The following GEMIN8 variants were observed in gnomAD, a reference collection of about 807,000 sequenced individuals.
GEMIN8 encodes gem-associated protein 8.
For missense variants in GEMIN8, 185 were observed against 205.9 expected (o/e 0.90, Z 0.62); for synonymous variants, 80 against 78.5 (o/e 1.02, Z -0.10).
intron 2 of GEMIN8, among the ~76,000 whole-genome samples, chrX:14,022,641 G>A (rs1924448299): frequency 9.0e-6 from 1 of 110,664 alleles, no homozygotes; most frequent in Non-Finnish European, 1.9e-5. Flanking sequence ...ACACCAGAAT[G>A]TACTTTTAAA....
chrX:14,025,335 T>TAA (rs1288683439), intron 2 of GEMIN8, among the ~76,000 whole-genome samples: 2 of 99,036 alleles, frequency 2.0e-5, no homozygotes, highest in Non-Finnish European at 2.1e-5. Context: ...TTCTTTGCTT[T>TAA]AAAAAAAAAA....
rs762328600 is a variant in GEMIN8 at position 14,017,760 on chromosome X, TA to T, written c.472+2317del. The stretch of plus-strand genomic sequence containing the variant: ...CTCTGTGTCCGGATTTTGCCCTTTT[TA>T]TAAGGACCTGAGTCACATAGGATTA... On this transcript the variant is annotated intron_variant, in intron 4 of 4. Transcript: ENST00000680255. 3.4e-4 allele frequency among the ~76,000 whole-genome samples: 38 copies of T among 112,256 alleles called. No homozygotes were observed. The East Asian group carries it at 0.011, about 31-fold the overall frequency.
At chrX:14,013,688 C>A (rs762128768) in intron 4 of GEMIN8, among the ~76,000 whole-genome samples, 1 of 111,364 alleles carries the variant, frequency 9.0e-6, no homozygotes, top group East Asian at 2.8e-4. Flanking sequence ...CAAGGAACAC[C>A]AGGAAACACC....
the GEMIN8 span, among the ~76,000 whole-genome samples, chrX:13,994,689 T>C: frequency 8.9e-6 from 1 of 111,874 alleles, no homozygotes; most frequent in Non-Finnish European, 1.9e-5. Context: ...GACCCTTACA[T>C]TGTACTCTTG....
At chrX:14,017,452 T>A (rs1464536788) in intron 4 of GEMIN8, among the ~76,000 whole-genome samples, 2 of 112,185 alleles carry the variant, frequency 1.8e-5, no homozygotes, top group Non-Finnish European at 3.8e-5. Flanking sequence ...CAGTCACAGA[T>A]TGCATTTGGG....
downstream of GEMIN8, among the ~76,000 whole-genome samples, chrX:14,005,078 A>G (rs1019263021): frequency 9.0e-5 from 10 of 111,541 alleles, no homozygotes; most frequent in African/African-American, 3.3e-4. Context: ...TCTTGTAGAT[A>G]GAGGCACTAG....
intron 2 of GEMIN8, 135 bp from the exon 3 acceptor site, chrX:14,021,646 C>CTA (rs1924324502): frequency 2.3e-6 from 1 of 439,651 alleles, no homozygotes; most frequent in African/African-American, 2.6e-5. Context: ...TGCAACCTAT[C>CTA]TATATGACGT....
the GEMIN8 span, among the ~76,000 whole-genome samples, chrX:13,993,792 T>G: frequency 3.6e-5 from 4 of 111,065 alleles, no homozygotes; most frequent in Non-Finnish European, 7.5e-5. Context: ...TATCATTATA[T>G]CAAATTATTT....
chrX:14,026,641 A>T (rs1249146684), intron 1 of GEMIN8, among the ~76,000 whole-genome samples: 1 of 112,580 alleles, frequency 8.9e-6, no homozygotes, highest in Non-Finnish European at 1.9e-5. Context: ...TTTCACAAAT[A>T]AGTGGCTTTG....
At chrX:14,023,246 G>A (rs904018553) in intron 2 of GEMIN8, among the ~76,000 whole-genome samples, 4 of 112,310 alleles carry the variant, frequency 3.6e-5, no homozygotes, top group Non-Finnish European at 1.9e-5. Flanking sequence ...AAATATAAAA[G>A]TTAATACTTA....
chrX:14,013,454 T>C (rs762585259), intron 4 of GEMIN8, among the ~76,000 whole-genome samples: 90 of 112,540 alleles, frequency 8.0e-4, no homozygotes, highest in Non-Finnish European at 1.4e-3. Flanking sequence ...GTGGGTTGAA[T>C]AGTGTCACTT....
intron 4 of GEMIN8, among the ~76,000 whole-genome samples, chrX:14,012,356 T>G (rs917617255): frequency 9.2e-6 from 1 of 109,215 alleles, no homozygotes; most frequent in Non-Finnish European, 1.9e-5. Flanking sequence ...ACTCCTGAAC[T>G]CAAGCGATCC....
the GEMIN8 span, among the ~76,000 whole-genome samples, chrX:13,987,727 C>T: frequency 0.26 from 28,490 of 111,304 alleles, 2,779 homozygotes; most frequent in Non-Finnish European, 0.3. Context: ...ACCCCTCTTC[C>T]AGAGACCATA....
At chrX:14,017,116 C>A (rs1282489956) in intron 4 of GEMIN8, among the ~76,000 whole-genome samples, 1 of 108,991 alleles carries the variant, frequency 9.2e-6, no homozygotes, top group Non-Finnish European at 1.9e-5. Flanking sequence ...AATTACTACC[C>A]ACTAATTAGG....
chrX:14,006,527 G>T (rs776047936), downstream of GEMIN8, among the ~76,000 whole-genome samples: 11 of 111,708 alleles, frequency 9.8e-5, no homozygotes, highest in African/African-American at 3.6e-4. Flanking sequence ...ATATTTGTTG[G>T]ATAAACAAAC....
chrX:13,992,776 T>C, the GEMIN8 span, among the ~76,000 whole-genome samples: 1 of 111,737 alleles, frequency 8.9e-6, no homozygotes, highest in Non-Finnish European at 1.9e-5. Context: ...CTGTAAGGGC[T>C]TGAGCTCATA....
chrX:14,011,113 G>A (rs763960945), intron 4 of GEMIN8, among the ~76,000 whole-genome samples: 2 of 111,970 alleles, frequency 1.8e-5, no homozygotes, highest in Non-Finnish European at 3.8e-5. Context: ...TGAAAGCCCC[G>A]CTGGGGACTA....
the GEMIN8 span, among the ~76,000 whole-genome samples, chrX:13,992,857 G>C: frequency 9.0e-6 from 1 of 111,669 alleles, no homozygotes; most frequent in Non-Finnish European, 1.9e-5. Context: ...GGAGGGCAAA[G>C]GCAGTTAGGA....
In GEMIN8 at chrX:14,021,806, A is replaced by ATG. The variant is rs199501000; in HGVS notation, c.-33-297_-33-296dup. Among the ~76,000 whole-genome samples the ATG allele has an allele frequency of 5.9e-3, 284 of 47,953 alleles. 1 individual carries two copies. Among genetic ancestry groups the ATG allele is most frequent in the East Asian group, 0.023 (54 of 2,388 alleles). The allele number at this position is 47,953 out of a possible 115,157, so 41.6% of individuals were successfully genotyped here. A position where few individuals can be genotyped will look rare whatever the true frequency, so the allele number is the denominator to read the frequency against. On this transcript the variant is annotated intron_variant, in intron 2 of 4. Coordinates refer to ENST00000680255, the MANE Select transcript of GEMIN8 (RefSeq NM_001042479.2). ...TGACCATATAAATATTTAGTAGTTA[A>ATG]TGTGTGTGTATATATATATATATAT... is the stretch of plus-strand genomic sequence containing the variant.
Sources: gnomAD v4.1 joint callset for allele counts (sites outside exome capture counted in the v4.1 genomes callset) on GRCh38, gnomAD v4.1.1 for gene constraint, MANE v1.5 for transcripts, NCBI Gene and HGNC (gene_info 2026-07-23, HGNC 2026-07-21) for gene names.